Variants in DLGAP1 observed in about 807,000 individuals in gnomAD.
DLGAP1 encodes disks large-associated protein 1.
In DLGAP1, 11 loss-of-function variants were observed where a neutral mutation model predicts 90.8. That is an observed-to-expected ratio of 0.12 (90% CI 0.08 to 0.20). The LOEUF (loss-of-function observed/expected upper bound fraction) is 0.20. Among genes scored for constraint, DLGAP1 ranks in the 10% least tolerant of loss-of-function variants. The probability of loss-of-function intolerance (pLI) is 1.00; values close to 1 mark genes in which losing one functional copy is unlikely to be tolerated. For missense variants in DLGAP1, 1,050 were observed against 1,333.8 expected, an observed-to-expected ratio of 0.79 and a Z score of 3.31; for synonymous variants, 558 against 540.7, an observed-to-expected ratio of 1.03 and a Z score of -0.44.
chr18:3,874,610 T>C, intron 4 of DLGAP1: 1 of 1,532,856 alleles, frequency 6.5e-7, no homozygotes, highest in Non-Finnish European at 8.7e-7. Context: ...TATTAAGCAC[T>C]TACCCTGAGA....
intron 10 of DLGAP1, among the ~76,000 whole-genome samples, chr18:3,527,418 T>G (rs890524391): frequency 1.8e-4 from 27 of 147,502 alleles, no homozygotes; most frequent in Admixed American, 9.5e-4. Context: ...AACTTTTTTT[T>G]TTTTTTTTTT....
chr18:4,195,918 A>G (rs2077489776), intron 1 of DLGAP1, among the ~76,000 whole-genome samples: 1 of 152,206 alleles, frequency 6.6e-6, no homozygotes, highest in Admixed American at 6.5e-5. Context: ...GGGAGTTTAC[A>G]GATAAACCTT....
intron 4 of DLGAP1, among the ~76,000 whole-genome samples, chr18:3,818,784 TG>T (rs1176552743): frequency 6.7e-6 from 1 of 150,218 alleles, no homozygotes; most frequent in African/African-American, 2.4e-5. Flanking sequence ...TTAGTAGGAT[TG>T]GGGTTTTGCC....
chr18:4,363,317 G>A (rs1219234374), intron 1 of DLGAP1, among the ~76,000 whole-genome samples: 1 of 152,106 alleles, frequency 6.6e-6, no homozygotes, highest in Non-Finnish European at 1.5e-5. Context: ...AAAAAGCTGG[G>A]GCAGAATATC....
intron 7 of DLGAP1, among the ~76,000 whole-genome samples, chr18:3,666,944 TTTG>T (rs1291308754): frequency 6.6e-6 from 1 of 152,084 alleles, no homozygotes; most frequent in Non-Finnish European, 1.5e-5. Context: ...TTTAAATTTT[TTTG>T]TTTTGTTTTA....
intron 7 of DLGAP1, among the ~76,000 whole-genome samples, chr18:3,720,131 T>C (rs1183790128): frequency 6.6e-6 from 1 of 152,166 alleles, no homozygotes; most frequent in East Asian, 1.9e-4. Context: ...CACAGAATAT[T>C]CTAGGGATAA....
At chr18:3,535,072 CTGTGT>C (rs1328289780) in intron 9 of DLGAP1, among the ~76,000 whole-genome samples, 3 of 144,642 alleles carry the variant, frequency 2.1e-5, no homozygotes, top group Non-Finnish European at 4.5e-5. Flanking sequence ...TCAATCTTCT[CTGTGT>C]GTGTGTGTGT....
At chr18:4,450,007 T>C (rs2083779337) in intron 1 of DLGAP1, among the ~76,000 whole-genome samples, 1 of 152,188 alleles carries the variant, frequency 6.6e-6, no homozygotes, top group Non-Finnish European at 1.5e-5. Context: ...AAGCACATCC[T>C]AATTTGAAAG....
intron 3 of DLGAP1, among the ~76,000 whole-genome samples, chr18:3,925,580 T>C (rs184271658): frequency 2.6e-5 from 4 of 152,286 alleles, no homozygotes; most frequent in Non-Finnish European, 5.9e-5. Flanking sequence ...ATAACCTCCT[T>C]TGATATGAAA....
intron 1 of DLGAP1, among the ~76,000 whole-genome samples, chr18:4,224,013 G>A (rs2078134083): frequency 6.6e-6 from 1 of 152,166 alleles, no homozygotes; most frequent in South Asian, 2.1e-4. Flanking sequence ...AATGAGCATA[G>A]AACACTGAGC....
intron 4 of DLGAP1, among the ~76,000 whole-genome samples, chr18:3,872,244 A>T (rs925817213): frequency 6.6e-5 from 10 of 151,482 alleles, no homozygotes; most frequent in Non-Finnish European, 1.5e-4. Context: ...AAAAAAAAAA[A>T]AATTAAAAAC....
intron 1 of DLGAP1, among the ~76,000 whole-genome samples, chr18:4,442,561 C>T (rs910965792): frequency 3.3e-5 from 5 of 152,022 alleles, no homozygotes; most frequent in Admixed American, 6.5e-5. Context: ...GAGTACTAGA[C>T]ATATAGACTA....
intron 2 of DLGAP1, among the ~76,000 whole-genome samples, chr18:4,048,055 C>G (rs537438143): frequency 4.6e-5 from 7 of 152,278 alleles, no homozygotes; most frequent in African/African-American, 1.2e-4. Flanking sequence ...GCCTTGGCCT[C>G]TCAAAGTGCT....
chr18:3,631,653 A>T (rs1162491634), intron 7 of DLGAP1, among the ~76,000 whole-genome samples: 1 of 152,078 alleles, frequency 6.6e-6, no homozygotes, highest in Non-Finnish European at 1.5e-5. Flanking sequence ...AGGCTGAGGC[A>T]GGAGAATTGC....
chr18:3,518,380 G>C (rs1330638345), intron 10 of DLGAP1, among the ~76,000 whole-genome samples: 1 of 152,148 alleles, frequency 6.6e-6, no homozygotes. Flanking sequence ...AATCACCATA[G>C]CAGATAGAAT....
chr18:3,800,985 A>G (rs1419385288), intron 5 of DLGAP1, among the ~76,000 whole-genome samples: 1 of 152,178 alleles, frequency 6.6e-6, no homozygotes, highest in Non-Finnish European at 1.5e-5. Context: ...CGGTGCTGGT[A>G]GCTGCTTCTG....
chr18:3,673,308 C>A (rs1250155318), intron 7 of DLGAP1, among the ~76,000 whole-genome samples: 3 of 152,160 alleles, frequency 2.0e-5, no homozygotes, highest in African/African-American at 7.2e-5. Flanking sequence ...CTTTGCATAT[C>A]TCTATTATGG....
At chr18:4,110,369 T>A (rs547201757) in intron 2 of DLGAP1, among the ~76,000 whole-genome samples, 1 of 152,338 alleles carries the variant, frequency 6.6e-6, no homozygotes, top group East Asian at 1.9e-4. Context: ...AGCATCATTA[T>A]GTGGTGCGTG....
At position 3,876,377 on chromosome 18, in the gene DLGAP1, C is replaced by T. The variant is rs149834081; in HGVS notation, c.957+2735G>A. On this transcript the variant is annotated intron_variant, in intron 4 of 12. Coordinates refer to ENST00000315677, the MANE Select transcript of DLGAP1 (RefSeq NM_004746.4). ...AATTCTCTTACTAACATACTACCTCCCAACATTGAAATATAGATTTTTTCC... is the reference window on the plus strand; with the variant it reads ...AATTCTCTTACTAACATACTACCTCTCAACATTGAAATATAGATTTTTTCC... Among the ~76,000 whole-genome samples the T allele has an allele frequency of 4.3e-3, 660 of 152,208 alleles. 5 individuals are homozygous for T. Among genetic ancestry groups the T allele is most frequent in the African/African-American group, 0.015 (624 of 41,500 alleles).
Sources: gnomAD v4.1 joint callset for allele counts (sites outside exome capture counted in the v4.1 genomes callset) on GRCh38, gnomAD v4.1.1 for gene constraint, MANE v1.5 for transcripts, NCBI Gene and HGNC (gene_info 2026-07-23, HGNC 2026-07-21) for gene names.